ADCY2: variants seen among roughly 807,000 people sequenced by gnomAD.
ADCY2 encodes the protein adenylate cyclase 2, also known as adenylate cyclase type 2.
ADCY2 carries 31 observed loss-of-function variants against 125.2 expected under a neutral mutation model. The ratio of observed to expected loss-of-function variants is 0.25; its 90% CI spans 0.19 to 0.33. The LOEUF is 0.33. ADCY2 is among the 10% of genes least tolerant of loss of function. The pLI is 1.00. For synonymous variants in ADCY2, 512 were observed against 548.4 expected, an observed-to-expected ratio of 0.93 and a Z score of 0.93; for missense variants, 904 against 1,418.2, an observed-to-expected ratio of 0.64 and a Z score of 5.82.
At chr5:7,583,797 T>C (rs1156925387) in intron 3 of ADCY2, among the ~76,000 whole-genome samples, 2 of 152,088 alleles carry the variant, frequency 1.3e-5, no homozygotes, top group African/African-American at 4.8e-5. Context: ...ATATGCTTGA[T>C]TTCAAATAGC....
chr5:7,646,430 TA>T (rs1039772664), intron 4 of ADCY2, among the ~76,000 whole-genome samples: 9 of 152,006 alleles, frequency 5.9e-5, no homozygotes, highest in Admixed American at 2.0e-4. Context: ...CATACAGCTT[TA>T]AAGGAGAAAA....
intron 2 of ADCY2, among the ~76,000 whole-genome samples, chr5:7,420,361 G>T (rs1051808498): frequency 3.3e-5 from 5 of 152,110 alleles, no homozygotes; most frequent in African/African-American, 1.2e-4. Context: ...CAGGAAAGAG[G>T]AGTAATTTTT....
At chr5:7,772,137 T>C (rs576123820) in intron 17 of ADCY2, among the ~76,000 whole-genome samples, 70 of 152,344 alleles carry the variant, frequency 4.6e-4, no homozygotes, top group Middle Eastern at 3.4e-3. Context: ...GACACTGTGA[T>C]ATAAGCAAGT....
chr5:7,796,988 G>A (rs563092994), intron 20 of ADCY2: 4 of 152,294 alleles, frequency 2.6e-5, no homozygotes, highest in Non-Finnish European at 4.4e-5. Context: ...CATGAGCCAC[G>A]GATGCCACCA....
intron 3 of ADCY2, among the ~76,000 whole-genome samples, chr5:7,538,724 A>G (rs1383404013): frequency 6.6e-6 from 1 of 152,164 alleles, no homozygotes; most frequent in Non-Finnish European, 1.5e-5. Context: ...CATTATGTCA[A>G]TTAGATCAAC....
chr5:7,564,033 T>G (rs760692115), intron 3 of ADCY2, among the ~76,000 whole-genome samples: 1 of 152,246 alleles, frequency 6.6e-6, no homozygotes, highest in Non-Finnish European at 1.5e-5. Context: ...TTATTCTTAT[T>G]TGATTTGCAA....
rs56197160 is a variant in ADCY2 at position 7,700,719 on chromosome 5, CCACA to C, written c.1109+2380_1109+2383del. On this transcript the variant is annotated intron_variant, in intron 7 of 24. Transcript: ENST00000338316. ...CCCACCCCCCACCCCCTCGCACCCACCACACACACACACACACACACACACACAC... is the reference window on the plus strand; with the variant it reads ...CCCACCCCCCACCCCCTCGCACCCACCACACACACACACACACACACACAC... Among the ~76,000 whole-genome samples the C allele has an allele frequency of 3.9e-3, 384 of 98,334 alleles. 5 individuals carry two copies. Among genetic ancestry groups the C allele is most frequent in the African/African-American group, 0.013 (346 of 25,980 alleles). 64.5% of individuals were successfully genotyped at this position (98,334 alleles called of 152,430 possible). A position where few individuals can be genotyped will look rare whatever the true frequency, so the allele number is the denominator to read the frequency against.
intron 2 of ADCY2, among the ~76,000 whole-genome samples, chr5:7,415,621 C>G (rs1739909503): frequency 6.6e-6 from 1 of 152,180 alleles, no homozygotes; most frequent in African/African-American, 2.4e-5. Flanking sequence ...TCCACATGGT[C>G]ACAAGCTATT....
chr5:7,753,047 C>T (rs186409198), intron 15 of ADCY2, among the ~76,000 whole-genome samples: 31 of 151,838 alleles, frequency 2.0e-4, no homozygotes, highest in Non-Finnish European at 3.4e-4. Context: ...TACAGGCACC[C>T]GCCACCACAC....
chr5:7,425,430 C>T (rs979837911), intron 2 of ADCY2, among the ~76,000 whole-genome samples: 13 of 152,164 alleles, frequency 8.5e-5, no homozygotes, highest in Admixed American at 5.2e-4. Flanking sequence ...GAATTTGTGA[C>T]GAATACAACT....
At position 7,815,642 on chromosome 5, in the gene ADCY2, G is replaced by A. The variant is rs961148461; in HGVS notation, c.2884-1224G>A. On this transcript the variant is annotated intron_variant, in intron 22 of 24. Coordinates refer to ENST00000338316, the MANE Select transcript of ADCY2 (RefSeq NM_020546.3). Reference sequence around the variant, plus strand: ...TACAAATTCATGTTAAATATAAACAGGTAACAGGAATGATAAACAGAAATT... The same window carrying A: ...TACAAATTCATGTTAAATATAAACAAGTAACAGGAATGATAAACAGAAATT... Among the ~76,000 whole-genome samples, 3 of 152,136 alleles carry A rather than the reference G, an allele frequency of 2.0e-5. No homozygotes were observed. In the East Asian group the frequency reaches 5.8e-4, roughly 29 times the overall value.
At chr5:7,401,800 G>T (rs1164860110) in intron 1 of ADCY2, among the ~76,000 whole-genome samples, 1 of 152,168 alleles carries the variant, frequency 6.6e-6, no homozygotes, top group Non-Finnish European at 1.5e-5. Flanking sequence ...CACTGTTAGA[G>T]CTGCGATATT....
intron 2 of ADCY2, among the ~76,000 whole-genome samples, chr5:7,460,804 A>T (rs1741889927): frequency 6.6e-6 from 1 of 152,136 alleles, no homozygotes; most frequent in African/African-American, 2.4e-5. Flanking sequence ...AAGGGCAGGG[A>T]GGAGACACAA....
At chr5:7,734,530 C>T (rs1742191537) in intron 14 of ADCY2, among the ~76,000 whole-genome samples, 1 of 152,104 alleles carries the variant, frequency 6.6e-6, no homozygotes, top group South Asian at 2.1e-4. Context: ...AGGGAAGACT[C>T]GAGGTTGTTT....
chr5:7,437,663 C>T (rs1740857242), intron 2 of ADCY2, among the ~76,000 whole-genome samples: 1 of 152,222 alleles, frequency 6.6e-6, no homozygotes, highest in African/African-American at 2.4e-5. Flanking sequence ...CTTCCAGTGT[C>T]CCAGAGTATC....
chr5:7,820,772 A>C, intron 24 of ADCY2, 83 bp downstream of exon 24: 10 of 1,429,370 alleles, frequency 7.0e-6, no homozygotes, highest in East Asian at 2.5e-5. Context: ...TAAGGATACT[A>C]ATATATTAAA....
intron 4 of ADCY2, among the ~76,000 whole-genome samples, chr5:7,649,467 A>T (rs1486431404): frequency 6.6e-6 from 1 of 152,270 alleles, no homozygotes; most frequent in Non-Finnish European, 1.5e-5. Context: ...GAAGAGAAGA[A>T]TGAAAGTACA....
At chr5:7,602,325 C>T (rs182777195) in intron 3 of ADCY2, among the ~76,000 whole-genome samples, 141 of 152,300 alleles carry the variant, frequency 9.3e-4, no homozygotes, top group Non-Finnish European at 2.2e-4. Flanking sequence ...ATACATAACT[C>T]TCTTAACCAT....
chr5:7,421,535 T>C (rs751356665), intron 2 of ADCY2, among the ~76,000 whole-genome samples: 9 of 152,232 alleles, frequency 5.9e-5, no homozygotes, highest in Non-Finnish European at 1.2e-4. Context: ...CTTAATTGGA[T>C]GACATCTGCA....
Sources: gnomAD v4.1 joint callset for allele counts (sites outside exome capture counted in the v4.1 genomes callset) on GRCh38, gnomAD v4.1.1 for gene constraint, MANE v1.5 for transcripts, NCBI Gene and HGNC (gene_info 2026-07-23, HGNC 2026-07-21) for gene names.